The following RBFOX1 variants were observed in gnomAD, a reference collection of about 807,000 sequenced individuals.
RBFOX1 encodes RNA binding protein fox-1 homolog 1.
A neutral mutation model predicts 57.7 loss-of-function variants in RBFOX1; 8 were observed. That is an observed-to-expected ratio of 0.14 (90% CI 0.08 to 0.25). RBFOX1 has a LOEUF of 0.25. Ranked by LOEUF, RBFOX1 falls within the 10% of genes least tolerant of loss-of-function variation. RBFOX1 has a pLI of 1.00. For missense variants in RBFOX1, 611 were observed against 548.5 expected, an observed-to-expected ratio of 1.11 and a Z score of -1.14; for synonymous variants, 326 against 222.4, an observed-to-expected ratio of 1.47 and a Z score of -4.15.
At chr16:6,679,678 T>A (rs2154120062) in intron 3 of RBFOX1, among the ~76,000 whole-genome samples, 1 of 152,276 alleles carries the variant, frequency 6.6e-6, no homozygotes, top group East Asian at 1.9e-4. Context: ...TAAAGCATAG[T>A]CTAAACTAAC....
intron 4 of RBFOX1, among the ~76,000 whole-genome samples, chr16:7,437,198 C>T (rs773740430): frequency 2.0e-4 from 31 of 151,766 alleles, no homozygotes; most frequent in African/African-American, 6.8e-4. Context: ...TCCAAGTTCA[C>T]AATCACAAAC....
At chr16:7,030,560 A>C (rs750792865) in intron 3 of RBFOX1, among the ~76,000 whole-genome samples, 1 of 151,994 alleles carries the variant, frequency 6.6e-6, no homozygotes, top group Non-Finnish European at 1.5e-5. Context: ...CTGTCTTCAC[A>C]TGCTATTGTC....
chr16:6,580,291 G>C (rs1600493519), intron 2 of RBFOX1, among the ~76,000 whole-genome samples: 1 of 152,108 alleles, frequency 6.6e-6, no homozygotes, highest in Non-Finnish European at 1.5e-5. Context: ...TATGTTGTTT[G>C]ACTTTTTCCA....
At chr16:5,382,547 C>T (rs1375140840) in intron 1 of RBFOX1, among the ~76,000 whole-genome samples, 1 of 152,142 alleles carries the variant, frequency 6.6e-6, no homozygotes, top group Non-Finnish European at 1.5e-5. Context: ...AAACAGGACT[C>T]ACCTCCTCGT....
intron 2 of RBFOX1, among the ~76,000 whole-genome samples, chr16:6,646,913 G>A (rs2098538907): frequency 6.6e-6 from 1 of 152,264 alleles, no homozygotes; most frequent in South Asian, 2.1e-4. Context: ...AAGATACCGC[G>A]TGTACACATG....
In RBFOX1 at chr16:7,037,226, C is replaced by T. The variant is rs1200589572; in HGVS notation, c.-15-14831C>T. Among the ~76,000 whole-genome samples the T allele has an allele frequency of 4.4e-5, 6 of 134,956 alleles. No individual in the cohort carries two copies. In the East Asian group the frequency reaches 1.2e-3, roughly 28 times the overall value. The allele number at this position is 134,956 out of a possible 152,430, so 88.5% of individuals were successfully genotyped here. A position where few individuals can be genotyped will look rare whatever the true frequency, so the allele number is the denominator to read the frequency against. On this transcript the variant is annotated intron_variant, in intron 3 of 15. Coordinates refer to ENST00000550418, the MANE Select transcript of RBFOX1 (RefSeq NM_018723.4). ...GGAATGCAGCCCAGTAGGTCTTAGC[C>T]TCTTTTTTTTTTTTTTTTTTTTTTT...
In RBFOX1 at chr16:5,818,825, C is replaced by G. The variant is rs1036499686; in HGVS notation, c.319-48478C>G. On this transcript the variant is annotated intron_variant, in intron 3 of 19. Coordinates refer to the RBFOX1 transcript ENST00000641259. ...CATTATGTTCTATGCATACCTCATG[C>G]TCAAAGGGGCTACAGTGGGAGAGAG... Among the ~76,000 whole-genome samples, 7 of 152,298 alleles carry G rather than the reference C, an allele frequency of 4.6e-5. No homozygotes were observed. In the East Asian group the frequency reaches 9.7e-4, roughly 21 times the overall value.
intron 1 of RBFOX1, among the ~76,000 whole-genome samples, chr16:6,031,640 T>C (rs2095291510): frequency 6.6e-6 from 1 of 152,180 alleles, no homozygotes; most frequent in South Asian, 2.1e-4. Flanking sequence ...TGTGTATGTA[T>C]GTACATGCAT....
rs754078269 is a variant in RBFOX1, at chr16:5,638,882, T to G, written c.318+39921T>G. On this transcript the variant is annotated intron_variant, in intron 3 of 19. Transcript: ENST00000641259. Reference sequence around the variant, plus strand: ...TTGTGGTTCCTCTGTGTGATAGCCTTCTTCTGAGCAAACTCCTGTGTATCC... The same window carrying G: ...TTGTGGTTCCTCTGTGTGATAGCCTGCTTCTGAGCAAACTCCTGTGTATCC... 4.5e-4 allele frequency among the ~76,000 whole-genome samples: 69 copies of G among 152,176 alleles called. 1 individual carries two copies. The highest frequency in any genetic ancestry group is 1.4e-3 in the Admixed American group (22 of 15,272).
intron 3 of RBFOX1, among the ~76,000 whole-genome samples, chr16:6,718,382 C>G (rs924882246): frequency 6.6e-6 from 1 of 152,098 alleles, no homozygotes; most frequent in African/African-American, 2.4e-5. Flanking sequence ...GTAACTCTAG[C>G]TGAAAAATAT....
intron 3 of RBFOX1, among the ~76,000 whole-genome samples, chr16:6,880,090 C>A (rs2062623696): frequency 6.6e-6 from 1 of 152,134 alleles, no homozygotes; most frequent in Admixed American, 6.5e-5. Context: ...TAGGGATGTT[C>A]CTGAGAGTCC....
At chr16:5,354,642 G>T (rs2151323380) in intron 1 of RBFOX1, among the ~76,000 whole-genome samples, 1 of 152,362 alleles carries the variant, frequency 6.6e-6, no homozygotes, top group East Asian at 1.9e-4. Flanking sequence ...TGTCTGCCCA[G>T]CTCCTTTATT....
chr16:6,925,703 G>C (rs892161600), intron 3 of RBFOX1, among the ~76,000 whole-genome samples: 1 of 151,896 alleles, frequency 6.6e-6, no homozygotes, highest in Non-Finnish European at 1.5e-5. Flanking sequence ...CAAGTATTTG[G>C]TAGTAAATAC....
intron 4 of RBFOX1, among the ~76,000 whole-genome samples, chr16:7,104,378 C>G (rs1191606120): frequency 6.6e-6 from 1 of 152,098 alleles, no homozygotes; most frequent in East Asian, 1.9e-4. Context: ...AGTCTGGTAC[C>G]TCATCCCCAT....
chr16:7,255,123 C>A (rs1053290728), intron 4 of RBFOX1, among the ~76,000 whole-genome samples: 1 of 152,118 alleles, frequency 6.6e-6, no homozygotes, highest in Non-Finnish European at 1.5e-5. Context: ...AAAATAACCC[C>A]ATCTCCGATC....
chr16:6,916,079 A>T (rs765756768), intron 3 of RBFOX1, among the ~76,000 whole-genome samples: 1 of 152,156 alleles, frequency 6.6e-6, no homozygotes, highest in African/African-American at 2.4e-5. Context: ...CCCAGGGCTT[A>T]TATACCTTAG....
At chr16:5,520,191 G>A (rs1390047403) in intron 2 of RBFOX1, among the ~76,000 whole-genome samples, 2 of 152,138 alleles carry the variant, frequency 1.3e-5, no homozygotes, top group East Asian at 1.9e-4. Context: ...ATGAGTGAAG[G>A]AGAGAAGACA....
At chr16:6,280,554 G>C (rs566169131) in intron 1 of RBFOX1, among the ~76,000 whole-genome samples, 2 of 152,274 alleles carry the variant, frequency 1.3e-5, no homozygotes, top group African/African-American at 2.4e-5. Flanking sequence ...ACAGCATCCA[G>C]AGGAGGACAT....
intron 4 of RBFOX1, among the ~76,000 whole-genome samples, chr16:7,067,109 C>G (rs1166093243): frequency 1.3e-5 from 2 of 152,202 alleles, no homozygotes; most frequent in Admixed American, 6.5e-5. Flanking sequence ...AAGGGGAACT[C>G]ATATGCCAGC....
Sources: gnomAD v4.1 joint callset for allele counts (sites outside exome capture counted in the v4.1 genomes callset) on GRCh38, gnomAD v4.1.1 for gene constraint, MANE v1.5 for transcripts, NCBI Gene and HGNC (gene_info 2026-07-23, HGNC 2026-07-21) for gene names.